Variants in SIPA1L3 observed in about 807,000 individuals in gnomAD.
The protein encoded by SIPA1L3 is signal induced proliferation associated 1 like 3.
SIPA1L3 carries 59 observed loss-of-function variants against 150.1 expected under a neutral mutation model. The ratio of observed to expected loss-of-function variants is 0.39; its 90% CI spans 0.32 to 0.49. The LOEUF (loss-of-function observed/expected upper bound fraction) is 0.49, where lower values mean the gene tolerates loss of function less well. SIPA1L3 is among the 20% of genes least tolerant of loss of function. The probability of loss-of-function intolerance (pLI) is 0.86; values close to 1 mark genes in which losing one functional copy is unlikely to be tolerated. For synonymous variants in SIPA1L3, 1,070 were observed against 1,077.6 expected, an observed-to-expected ratio of 0.99 and a Z score of 0.14; for missense variants, 2,211 against 2,489.5, an observed-to-expected ratio of 0.89 and a Z score of 2.38.
intron 1 of SIPA1L3, among the ~76,000 whole-genome samples, chr19:37,936,180 C>G (rs2046598613): frequency 1.3e-5 from 2 of 152,100 alleles, no homozygotes; most frequent in Non-Finnish European, 2.9e-5. Context: ...GACTATTTGG[C>G]TAGAACTTTG....
intron 4 of SIPA1L3, among the ~76,000 whole-genome samples, chr19:38,093,927 G>T (rs1725473): frequency 0.15 from 23,047 of 152,124 alleles, 1,825 homozygotes; most frequent in African/African-American, 0.19. Context: ...CTTTGGCACT[G>T]TCTCACCCAG....
At chr19:38,106,035 G>T (rs1568552749) in intron 6 of SIPA1L3, among the ~76,000 whole-genome samples, 1 of 152,144 alleles carries the variant, frequency 6.6e-6, no homozygotes, top group African/African-American at 2.4e-5. Flanking sequence ...CATTGGTGCT[G>T]TCAGACTTTT....
chr19:38,021,180 G>A (rs1331512418), intron 1 of SIPA1L3, among the ~76,000 whole-genome samples: 1 of 152,196 alleles, frequency 6.6e-6, no homozygotes, highest in Admixed American at 6.5e-5. Flanking sequence ...GGCACAGCAC[G>A]TGGCCCCCGG....
intron 9 of SIPA1L3, among the ~76,000 whole-genome samples, chr19:38,126,915 G>T (rs769740578): frequency 6.6e-6 from 1 of 151,538 alleles, no homozygotes; most frequent in Non-Finnish European, 1.5e-5. Flanking sequence ...AGTCTTGGCC[G>T]GCTGCAGTGG....
chr19:38,063,015 C>G (rs1028055091), intron 2 of SIPA1L3, among the ~76,000 whole-genome samples: 1 of 152,228 alleles, frequency 6.6e-6, no homozygotes, highest in African/African-American at 2.4e-5. Flanking sequence ...CTCCCCTTCT[C>G]TTTGTGGCCC....
In SIPA1L3 at chr19:38,169,388, C is replaced by CA. The variant is rs904366258; in HGVS notation, c.4208+4495dup. ...TTGGCAACAGAGTGAGACTCAGTCT[C>CA]AAAAAAAAAAAAATCCATGTGGATA... On this transcript the variant is annotated intron_variant, in intron 15 of 21. Coordinates refer to ENST00000222345, the MANE Select transcript of SIPA1L3 (RefSeq NM_015073.3). Among the ~76,000 whole-genome samples the CA allele has an allele frequency of 1.8e-3, 262 of 141,714 alleles. 1 individual carries two copies. Among genetic ancestry groups the CA allele is most frequent in the South Asian group, 7.4e-3 (33 of 4,476 alleles). 93.0% of individuals were successfully genotyped at this position (141,714 alleles called of 152,430 possible). A position where few individuals can be genotyped will look rare whatever the true frequency, so the allele number is the denominator to read the frequency against.
rs766776577 is a variant in SIPA1L3 at position 38,141,349 on chromosome 19, T to A, written c.3309T>A (p.Thr1103=). ...LPASKWATPT[T]PGHAQSLSRP... Reference sequence around the variant, plus strand: ...CCTCCAAGTGGGCCACTCCAACCACTCCCGGCCATGCCCAGTCCCTGAGCC... The same window carrying A: ...CCTCCAAGTGGGCCACTCCAACCACACCCGGCCATGCCCAGTCCCTGAGCC... Residue 1103 remains threonine (T), a synonymous_variant, in exon 11 of 22, where the codon ACT becomes ACA. Coordinates refer to ENST00000222345, the MANE Select transcript of SIPA1L3 (RefSeq NM_015073.3). 5.0e-6 allele frequency: 8 copies of A among 1,613,476 alleles called. No homozygotes were observed. Among genetic ancestry groups the A allele is most frequent in the Non-Finnish European group, 5.9e-6 (7 of 1,179,894 alleles).
At chr19:37,942,914 G>GA (rs2046673571) in intron 1 of SIPA1L3, among the ~76,000 whole-genome samples, 1 of 151,816 alleles carries the variant, frequency 6.6e-6, no homozygotes, top group Admixed American at 6.6e-5. Flanking sequence ...AGTAGAGACA[G>GA]GTTTTCCAGG....
chr19:37,981,771 G>T (rs1967209220), intron 1 of SIPA1L3, among the ~76,000 whole-genome samples: 1 of 152,132 alleles, frequency 6.6e-6, no homozygotes, highest in Admixed American at 6.6e-5. Flanking sequence ...GGGTAGAGTT[G>T]CTCCGTGAGT....
chr19:38,127,470 G>T (rs10424818), intron 9 of SIPA1L3, among the ~76,000 whole-genome samples: 4,418 of 152,120 alleles, frequency 0.029, 209 homozygotes, highest in African/African-American at 0.1. Flanking sequence ...CAATCACAGA[G>T]ATGTAATTTT....
chr19:37,929,692 A>G (rs2046535919), intron 1 of SIPA1L3, among the ~76,000 whole-genome samples: 1 of 151,984 alleles, frequency 6.6e-6, no homozygotes, highest in Admixed American at 6.6e-5. Context: ...CTTCCTTGCA[A>G]AGGCTGTTTC....
chr19:38,072,443 C>CCT (rs1403395482), intron 2 of SIPA1L3, among the ~76,000 whole-genome samples: 2 of 152,178 alleles, frequency 1.3e-5, no homozygotes, highest in Admixed American at 1.3e-4. Context: ...GACTTTGTGT[C>CCT]CAACTTGATG....
intron 2 of SIPA1L3, among the ~76,000 whole-genome samples, chr19:38,066,072 A>G (rs1461955462): frequency 1.3e-5 from 2 of 149,762 alleles, no homozygotes; most frequent in African/African-American, 2.5e-5. Context: ...TGATCTCTTG[A>G]GGAGATCCTG....
intron 2 of SIPA1L3, among the ~76,000 whole-genome samples, chr19:38,055,352 ACT>A (rs1969292517): frequency 6.6e-6 from 1 of 152,032 alleles, no homozygotes; most frequent in Non-Finnish European, 1.5e-5. Flanking sequence ...CCAGCATGTC[ACT>A]CTCAGCCTCA....
intron 2 of SIPA1L3, among the ~76,000 whole-genome samples, chr19:38,062,067 C>T (rs573926589): frequency 7.9e-5 from 12 of 151,768 alleles, no homozygotes; most frequent in South Asian, 4.2e-4. Context: ...GGATGTATCG[C>T]GTGCTTGCCA....
intron 15 of SIPA1L3, among the ~76,000 whole-genome samples, chr19:38,181,046 G>A (rs150947913): frequency 4.6e-5 from 7 of 152,136 alleles, no homozygotes; most frequent in African/African-American, 9.6e-5. Context: ...CCTTGATACC[G>A]TCCCAAAGGT....
chr19:38,146,145 T>C (rs538019885), intron 12 of SIPA1L3, among the ~76,000 whole-genome samples: 3 of 152,366 alleles, frequency 2.0e-5, no homozygotes, highest in African/African-American at 4.8e-5. Context: ...ATTACAGGCG[T>C]GAGCCACCAC....
At chr19:38,027,137 C>A (rs1968531979) in intron 1 of SIPA1L3, among the ~76,000 whole-genome samples, 1 of 152,100 alleles carries the variant, frequency 6.6e-6, no homozygotes, top group African/African-American at 2.4e-5. Context: ...ACTAAAAATA[C>A]AAAAATTACC....
intron 12 of SIPA1L3, among the ~76,000 whole-genome samples, chr19:38,149,300 A>C (rs8109695): frequency 0.66 from 100,077 of 152,054 alleles, 34,423 homozygotes; most frequent in African/African-American, 0.86. Flanking sequence ...GAGGCTGAGG[A>C]AAGAGAATAT....
Sources: gnomAD v4.1 joint callset for allele counts (sites outside exome capture counted in the v4.1 genomes callset) on GRCh38, gnomAD v4.1.1 for gene constraint, MANE v1.5 for transcripts, NCBI Gene and HGNC (gene_info 2026-07-23, HGNC 2026-07-21) for gene names.